Variants in SYT9 observed in about 807,000 individuals in gnomAD.
The protein encoded by SYT9 is synaptotagmin 9.
Under a neutral mutation model 48.4 loss-of-function variants are expected in SYT9, and 22 were observed. That is an observed-to-expected ratio of 0.45 (90% CI 0.32 to 0.65). The LOEUF is 0.65. SYT9 is among the 30% of genes least tolerant of loss of function. The pLI is 0.03. For synonymous variants in SYT9, 265 were observed against 245.0 expected (o/e 1.08, Z -0.76); for missense variants, 577 against 622.0 (o/e 0.93, Z 0.77).
At chr11:7,390,874 G>A (rs763011070) in intron 3 of SYT9, among the ~76,000 whole-genome samples, 5 of 151,984 alleles carry the variant, frequency 3.3e-5, no homozygotes, top group South Asian at 2.1e-4. Flanking sequence ...GGTTTGTTAC[G>A]AGGGTGTGTT....
chr11:7,451,961 A>C (rs1461034512), intron 6 of SYT9, among the ~76,000 whole-genome samples: 1 of 152,084 alleles, frequency 6.6e-6, no homozygotes, highest in African/African-American at 2.4e-5. Context: ...TTGGATTCCA[A>C]CTCTAGAGAA....
chr11:7,416,742 A>G (rs779425386), intron 4 of SYT9, among the ~76,000 whole-genome samples: 5 of 152,172 alleles, frequency 3.3e-5, no homozygotes, highest in African/African-American at 1.2e-4. Context: ...GGATTTTCCT[A>G]TCTGTGAAGG....
At chr11:7,430,215 A>G (rs1020667912) in intron 6 of SYT9, among the ~76,000 whole-genome samples, 1 of 152,132 alleles carries the variant, frequency 6.6e-6, no homozygotes, top group African/African-American at 2.4e-5. Context: ...GTAGAATTAC[A>G]TATTTTTTTC....
At chr11:7,288,670 G>A (rs1848643235) in intron 1 of SYT9, among the ~76,000 whole-genome samples, 1 of 152,184 alleles carries the variant, frequency 6.6e-6, no homozygotes, top group Admixed American at 6.5e-5. Flanking sequence ...TACTGCATTT[G>A]TCCTCCTTCT....
At chr11:7,460,184 T>C (rs1306280154) in intron 6 of SYT9, among the ~76,000 whole-genome samples, 1 of 152,240 alleles carries the variant, frequency 6.6e-6, no homozygotes, top group Non-Finnish European at 1.5e-5. Context: ...ACTGTTATAA[T>C]GATTATAGAT....
intron 3 of SYT9, among the ~76,000 whole-genome samples, chr11:7,331,780 C>T (rs1849537063): frequency 6.6e-6 from 1 of 152,110 alleles, no homozygotes; most frequent in Non-Finnish European, 1.5e-5. Context: ...TATATATGCA[C>T]CCGGAATAGA....
chr11:7,316,060 G>A (rs959219882), intron 3 of SYT9, among the ~76,000 whole-genome samples: 3 of 116,202 alleles, frequency 2.6e-5, no homozygotes, highest in South Asian at 3.6e-4. Context: ...GTTATTTGGG[G>A]TTGTGGGGTT....
At chr11:7,383,267 C>T (rs1040356598) in intron 3 of SYT9, among the ~76,000 whole-genome samples, 1 of 152,144 alleles carries the variant, frequency 6.6e-6, no homozygotes, top group Non-Finnish European at 1.5e-5. Flanking sequence ...TTGCTGTTGC[C>T]TCTCACAATG....
chr11:7,421,022 C>T (rs1847345423), intron 6 of SYT9, among the ~76,000 whole-genome samples: 1 of 152,180 alleles, frequency 6.6e-6, no homozygotes, highest in Admixed American at 6.5e-5. Context: ...GATTCTAAGA[C>T]CAGCTCTGGC....
intron 1 of SYT9, among the ~76,000 whole-genome samples, chr11:7,299,430 T>C (rs1380460915): frequency 1.3e-5 from 2 of 152,070 alleles, no homozygotes; most frequent in African/African-American, 4.8e-5. Flanking sequence ...TCACTATTGG[T>C]GTTTCCTATA....
intron 6 of SYT9, among the ~76,000 whole-genome samples, chr11:7,462,101 T>TA (rs35499857): frequency 0.33 from 49,691 of 152,130 alleles, 9,388 homozygotes; most frequent in African/African-American, 0.52. Context: ...GTAGTGGAGT[T>TA]ACCATTCAAA....
chr11:7,426,920 T>A (rs73401456), intron 6 of SYT9, among the ~76,000 whole-genome samples: 3,113 of 152,290 alleles, frequency 0.02, 95 homozygotes, highest in African/African-American at 0.069. Context: ...TTTCTACATG[T>A]AACATGAAAT....
At chr11:7,282,608 G>A (rs1462981699) in intron 1 of SYT9, among the ~76,000 whole-genome samples, 1 of 152,088 alleles carries the variant, frequency 6.6e-6, no homozygotes. Context: ...CTGTGTGCAC[G>A]CTTGCCAGCC....
intron 4 of SYT9, among the ~76,000 whole-genome samples, chr11:7,416,365 T>C (rs1005901182): frequency 7.2e-5 from 11 of 152,316 alleles, no homozygotes; most frequent in East Asian, 1.9e-4. Context: ...AGAGTAATTA[T>C]AGCGTCTGGC....
At chr11:7,380,049 A>G (rs919930524) in intron 3 of SYT9, among the ~76,000 whole-genome samples, 3 of 152,190 alleles carry the variant, frequency 2.0e-5, no homozygotes, top group African/African-American at 7.2e-5. Context: ...CTAAGTGTCT[A>G]TCGAGAGATG....
At chr11:7,347,396 T>C (rs575345739) in intron 3 of SYT9, among the ~76,000 whole-genome samples, 13 of 152,206 alleles carry the variant, frequency 8.5e-5, no homozygotes, top group African/African-American at 3.1e-4. Flanking sequence ...TGTACCCGGC[T>C]AATTTTTTTT....
intron 6 of SYT9, among the ~76,000 whole-genome samples, chr11:7,462,289 G>T (rs934933328): frequency 6.6e-6 from 1 of 152,250 alleles, no homozygotes; most frequent in Non-Finnish European, 1.5e-5. Context: ...TTAAGGTGAG[G>T]CATGAATGAG....
chr11:7,342,327 A>G (rs1346006145), intron 3 of SYT9, among the ~76,000 whole-genome samples: 2 of 152,186 alleles, frequency 1.3e-5, no homozygotes, highest in Non-Finnish European at 2.9e-5. Flanking sequence ...AGCCTGTAAA[A>G]TCAAAAGCAA....
chr11:7,284,146 A>G (rs1427362079), intron 1 of SYT9, among the ~76,000 whole-genome samples: 1 of 152,194 alleles, frequency 6.6e-6, no homozygotes, highest in African/African-American at 2.4e-5. Context: ...CAAGGAAAGC[A>G]TCTTTTAAAT....
Sources: allele counts gnomAD v4.1 joint callset (sites outside exome capture counted in the v4.1 genomes callset), GRCh38; gene constraint gnomAD v4.1.1; transcripts MANE v1.5; gene names NCBI Gene and HGNC (gene_info 2026-07-23, HGNC 2026-07-21).